Variants in LURAP1 observed in about 807,000 individuals in gnomAD.
LURAP1 encodes the protein NF-kappa-B activator C1orf190.
LURAP1 carries 14 observed loss-of-function variants against 19.0 expected under a neutral mutation model. The observed-to-expected ratio is 0.74, with a 90% CI of 0.49 to 1.15. LURAP1 has a LOEUF of 1.15. Ranked by LOEUF, LURAP1 falls within the 50% of genes most tolerant of loss-of-function variation. The pLI is 0.00. For synonymous variants in LURAP1, 129 were observed against 131.8 expected, an observed-to-expected ratio of 0.98 and a Z score of 0.14; for missense variants, 273 against 309.1, an observed-to-expected ratio of 0.88 and a Z score of 0.87.
At chr1:46,219,295 CAA>C (rs747473864) in intron 1 of LURAP1, among the ~76,000 whole-genome samples, 29 of 97,448 alleles carry the variant, frequency 3.0e-4, no homozygotes, top group Non-Finnish European at 2.0e-4. Flanking sequence ...AACTCCATTT[CAA>C]AAAAAAAAAA....
At chr1:46,205,718 C>A (rs1041820167) in intron 1 of LURAP1, among the ~76,000 whole-genome samples, 1 of 152,224 alleles carries the variant, frequency 6.6e-6, no homozygotes, top group Non-Finnish European at 1.5e-5. Flanking sequence ...AGGGAGCCTT[C>A]TGGGGCCAGA....
chr1:46,209,390 C>G (rs1658822282), intron 1 of LURAP1, among the ~76,000 whole-genome samples: 1 of 152,096 alleles, frequency 6.6e-6, no homozygotes. Context: ...ATTTCTGGAA[C>G]TGGGGGCACA....
At chr1:46,204,242 C>G (rs1658642914) in intron 1 of LURAP1, among the ~76,000 whole-genome samples, 1 of 152,220 alleles carries the variant, frequency 6.6e-6, no homozygotes, top group South Asian at 2.1e-4. Flanking sequence ...TCGCCTCAGA[C>G]TCAGTCTCCT....
rs763140506 is a variant in LURAP1 at position 46,220,094 on chromosome 1, G to C, written c.594G>C (p.Val198=). The C allele has an allele frequency of 6.2e-7, 1 of 1,614,264 alleles. No individual in the cohort carries two copies. The highest frequency in any genetic ancestry group is 8.5e-7 in the Non-Finnish European group (1 of 1,180,052). ...CCAGGCTAGGGAGCTTGAGAGCTGT[G>C]TGGAAGCCCCCAGGGGAGAGGCTTC... is the stretch of plus-strand genomic sequence containing the variant. ...AATRLGSLRA[V]WKPPGERLQG... Residue 198 remains valine, a synonymous_variant, in exon 2 of 2, where the codon GTG becomes GTC. Coordinates refer to ENST00000371980, the MANE Select transcript of LURAP1 (RefSeq NM_001013615.3).
At position 46,220,422 on chromosome 1, in the gene LURAP1, C is replaced by CTTTT; in HGVS notation, c.*203_*204insTTTT. On this transcript the variant is annotated 3_prime_UTR_variant, in exon 2 of 2. Coordinates refer to ENST00000371980, the MANE Select transcript of LURAP1 (RefSeq NM_001013615.3). ...TTATTGGGTCCCTAGAGCTAGCTTG[C>CTTTT]TCTTTCTTTCTTTCTTTCTTTTTTT... The CTTTT allele has an allele frequency of 1.8e-6, 1 of 570,236 alleles. No homozygotes were observed. Among genetic ancestry groups the CTTTT allele is most frequent in the South Asian group, 2.5e-5 (1 of 39,264 alleles). The allele number at this position is 570,236 out of a possible 1,614,324, so 35.3% of individuals were successfully genotyped here.
chr1:46,215,574 A>C (rs938068827), intron 1 of LURAP1, among the ~76,000 whole-genome samples: 3 of 152,238 alleles, frequency 2.0e-5, no homozygotes, highest in African/African-American at 7.2e-5. Context: ...TTGGAATGGC[A>C]TTAGATTTTT....
intron 1 of LURAP1, among the ~76,000 whole-genome samples, chr1:46,207,848 A>G (rs1228823886): frequency 6.9e-6 from 1 of 144,244 alleles, no homozygotes; most frequent in Non-Finnish European, 1.5e-5. Flanking sequence ...TGAACTTTTC[A>G]TTTTTAAATT....
At chr1:46,206,989 G>A (rs1285135801) in intron 1 of LURAP1, among the ~76,000 whole-genome samples, 1 of 152,150 alleles carries the variant, frequency 6.6e-6, no homozygotes, top group African/African-American at 2.4e-5. Flanking sequence ...TTGGGTTTGT[G>A]CTCTAGAAAG....
rs769478158 is a variant in LURAP1 at position 46,219,791 on chromosome 1, G to A, written c.291G>A (p.Arg97=). The A allele has an allele frequency of 6.2e-7, 1 of 1,614,202 alleles. No individual in the cohort carries two copies. Among genetic ancestry groups the A allele is most frequent in the Non-Finnish European group, 8.5e-7 (1 of 1,180,040 alleles). Residue 97 remains arginine, a synonymous_variant, in exon 2 of 2, where the codon CGG becomes CGA. Transcript: ENST00000371980. Reference sequence around the variant, plus strand: ...CAGTGCGCTGGCTGTTGGAGGAGCGGGGGACGTTGACCAGTCATTGCAGCA... The same window carrying A: ...CAGTGCGCTGGCTGTTGGAGGAGCGAGGGACGTTGACCAGTCATTGCAGCA... ...IEAVRWLLEE[R]GTLTSHCSSL...
At chr1:46,203,700 G>A (rs1658622401) in intron 1 of LURAP1, 76 bp downstream of exon 1, 2 of 1,432,084 alleles carry the variant, frequency 1.4e-6, no homozygotes, top group Admixed American at 2.2e-5. Context: ...TGCTCCCAGA[G>A]TTAAGCTGGA....
rs1557688542 is a variant in LURAP1, at chr1:46,220,443, T to C, written c.*223T>C. Reference sequence around the variant, plus strand: ...CTTGCTCTTTCTTTCTTTCTTTCTTTTTTTGAGACAGGGTCTTATGCTGTT... The same window carrying C: ...CTTGCTCTTTCTTTCTTTCTTTCTTCTTTTGAGACAGGGTCTTATGCTGTT... On this transcript the variant is annotated 3_prime_UTR_variant, in exon 2 of 2. Transcript: ENST00000371980. The C allele has an allele frequency of 5.6e-6, 3 of 536,652 alleles. No homozygotes were observed. The highest frequency in any genetic ancestry group is 9.8e-6 in the Non-Finnish European group (3 of 305,950). 33.2% of individuals were successfully genotyped at this position (536,652 alleles called of 1,614,324 possible).
At chr1:46,212,425 C>G (rs540129860) in intron 1 of LURAP1, among the ~76,000 whole-genome samples, 2 of 151,616 alleles carry the variant, frequency 1.3e-5, no homozygotes, top group Admixed American at 1.3e-4. Flanking sequence ...GGACTACAGG[C>G]GTACACTGCC....
chr1:46,214,378 A>G (rs1352344582), intron 1 of LURAP1, among the ~76,000 whole-genome samples: 3 of 151,998 alleles, frequency 2.0e-5, no homozygotes, highest in Admixed American at 6.6e-5. Context: ...AGAAAAAGCA[A>G]CTTGAATGAA....
At chr1:46,214,261 G>A (rs1466711756) in intron 1 of LURAP1, among the ~76,000 whole-genome samples, 2 of 151,694 alleles carry the variant, frequency 1.3e-5, no homozygotes, top group East Asian at 1.9e-4. Context: ...CATGAGAATC[G>A]CTTGAACCTG....
intron 1 of LURAP1, among the ~76,000 whole-genome samples, chr1:46,204,020 A>G (rs1264090047): frequency 6.6e-6 from 1 of 152,126 alleles, no homozygotes; most frequent in African/African-American, 2.4e-5. Flanking sequence ...TCCTTCTGCT[A>G]ACCGGGAAAG....
Position 46,221,006 on chromosome 1 carries a change from C to G in LURAP1, c.*786C>G, listed in dbSNP as rs1286288883. The G allele has an allele frequency of 6.6e-6, 1 of 152,258 alleles. No homozygotes were observed. The highest frequency in any genetic ancestry group is 1.5e-5 in the Non-Finnish European group (1 of 68,108). The allele number at this position is 152,258 out of a possible 1,614,324, so 9.4% of individuals were successfully genotyped here. On this transcript the variant is annotated 3_prime_UTR_variant, in exon 2 of 2. Coordinates refer to ENST00000371980, the MANE Select transcript of LURAP1 (RefSeq NM_001013615.3). ...GAAGCGTTTGGGCTGGTAGACCCAC[C>G]CCTTCCTACCTGCTGAGTGATGTCA...
At position 46,219,590 on chromosome 1, in the gene LURAP1, C is replaced by A; in HGVS notation, c.199-109C>A. 4.1e-6 allele frequency: 5 copies of A among 1,210,672 alleles called. No homozygotes were observed. The South Asian group carries it at 8.1e-5, about 20-fold the overall frequency. The allele number at this position is 1,210,672 out of a possible 1,614,324, so 75.0% of individuals were successfully genotyped here. A position where few individuals can be genotyped will look rare whatever the true frequency, so the allele number is the denominator to read the frequency against. On this transcript the variant is annotated intron_variant, in intron 1 of 1. Transcript: ENST00000371980. ...CACTGCAAGCCGTTATAATTCCATC[C>A]GTCTTAAAGTGAAACATGGTTGGCT...
At chr1:46,207,611 T>C (rs1419174017) in intron 1 of LURAP1, among the ~76,000 whole-genome samples, 1 of 151,686 alleles carries the variant, frequency 6.6e-6, no homozygotes, top group African/African-American at 2.4e-5. Flanking sequence ...CGATCTCGGC[T>C]CACTGCAAGC....
At chr1:46,209,081 A>G (rs1223457661) in intron 1 of LURAP1, among the ~76,000 whole-genome samples, 12 of 151,342 alleles carry the variant, frequency 7.9e-5, no homozygotes, top group Non-Finnish European at 4.4e-5. Flanking sequence ...CTGGAGTGCA[A>G]TGGCGCAATC....
Sources: gnomAD v4.1 joint callset for allele counts (sites outside exome capture counted in the v4.1 genomes callset) on GRCh38, gnomAD v4.1.1 for gene constraint, MANE v1.5 for transcripts, NCBI Gene and HGNC (gene_info 2026-07-23, HGNC 2026-07-21) for gene names.